SGK1: variants seen among roughly 807,000 people sequenced by gnomAD.
SGK1 encodes serine/threonine-protein kinase Sgk1.
A neutral mutation model predicts 64.2 loss-of-function variants in SGK1; 26 were observed. The ratio of observed to expected loss-of-function variants is 0.40; its 90% CI spans 0.30 to 0.56. The LOEUF is 0.56. Among genes scored for constraint, SGK1 ranks in the 20% least tolerant of loss-of-function variants. SGK1 has a pLI of 0.38. For missense variants in SGK1, 519 were observed against 645.6 expected (o/e 0.80, Z 2.12); for synonymous variants, 265 against 239.7 (o/e 1.11, Z -0.98).
intron 1 of SGK1, among the ~76,000 whole-genome samples, chr6:134,313,070 G>A (rs1477126985): frequency 6.6e-6 from 1 of 152,212 alleles, no homozygotes; most frequent in Non-Finnish European, 1.5e-5. Flanking sequence ...AACGCGCCCA[G>A]CCTGTGTATG....
intron 1 of SGK1, among the ~76,000 whole-genome samples, chr6:134,282,652 C>CA (rs112646041): frequency 0.11 from 15,788 of 143,186 alleles, 1,162 homozygotes; most frequent in African/African-American, 0.2. Flanking sequence ...GACTCCATCT[C>CA]AAAAAAAAAA....
At chr6:134,283,873 CAAAAAAAAAAAAAAAAAAAAA>C (rs35999916) in intron 1 of SGK1, among the ~76,000 whole-genome samples, 2 of 26,128 alleles carry the variant, frequency 7.7e-5, no homozygotes, top group Non-Finnish European at 1.4e-4. Flanking sequence ...CTGCCACCAC[CAAAAAAAAAAAAAAAAAAAAA>C]AAAAAAAAAA....
chr6:134,184,842 C>T (rs1023400939), intron 3 of SGK1, among the ~76,000 whole-genome samples: 6 of 152,084 alleles, frequency 3.9e-5, no homozygotes, highest in African/African-American at 1.4e-4. Context: ...TGCCACCATG[C>T]CTGGCTTATA....
rs965896608 is a variant in SGK1 at position 134,177,586 on chromosome 6, C to T, written c.362-3000G>A. 76 of 1,118,512 alleles carry T rather than the reference C, an allele frequency of 6.8e-5. No homozygotes were observed. In the Middle Eastern group the frequency reaches 9.7e-4, roughly 14 times the overall value. The allele number at this position is 1,118,512 out of a possible 1,614,324, so 69.3% of individuals were successfully genotyped here. ...ACCAGAGACCCTCTCCTACACCCCA[C>T]CTTATGTGCCTTCCCCATGCCAAGT... On this transcript the variant is annotated intron_variant, in intron 3 of 13. Coordinates refer to ENST00000367858, the MANE Select transcript of SGK1 (RefSeq NM_001143676.3).
chr6:134,282,659 A>AAAAT (rs1777112787), intron 1 of SGK1, among the ~76,000 whole-genome samples: 3 of 151,460 alleles, frequency 2.0e-5, no homozygotes, highest in Admixed American at 6.6e-5. Context: ...TCTCAAAAAA[A>AAAAT]AAAATAAAAT....
intron 1 of SGK1, among the ~76,000 whole-genome samples, chr6:134,282,078 G>A (rs1347361664): frequency 6.6e-6 from 1 of 152,110 alleles, no homozygotes; most frequent in African/African-American, 2.4e-5. Context: ...ATCAGTAGAA[G>A]CATTGAGGCC....
chr6:134,176,521 G>A (rs1775238024), intron 3 of SGK1, among the ~76,000 whole-genome samples: 1 of 152,186 alleles, frequency 6.6e-6, no homozygotes, highest in African/African-American at 2.4e-5. Context: ...AGTGCTGGCC[G>A]GGAAGCCGCG....
chr6:134,287,800 C>A (rs118026393), intron 1 of SGK1, among the ~76,000 whole-genome samples: 1 of 152,044 alleles, frequency 6.6e-6, no homozygotes, highest in South Asian at 2.1e-4. Flanking sequence ...TAATTTTGTA[C>A]TATGCAAGAG....
At chr6:134,295,587 C>T (rs1237909619) in intron 1 of SGK1, among the ~76,000 whole-genome samples, 1 of 152,062 alleles carries the variant, frequency 6.6e-6, no homozygotes, top group African/African-American at 2.4e-5. Context: ...GCCTGTAATC[C>T]CAGCTACTGG....
rs753328758 is a variant in SGK1 at position 134,282,545 on chromosome 6, C to T, written c.70-20397G>A. On this transcript the variant is annotated intron_variant, in intron 1 of 13. Coordinates refer to ENST00000367858, the MANE Select transcript of SGK1 (RefSeq NM_001143676.3). Reference sequence around the variant, plus strand: ...GCGCACACCTGTAATTCCAGCTACTCGGGAGTCTGAGGCAGGAGAATCACT... The same window carrying T: ...GCGCACACCTGTAATTCCAGCTACTTGGGAGTCTGAGGCAGGAGAATCACT... Among the ~76,000 whole-genome samples the T allele has an allele frequency of 2.8e-4, 43 of 151,348 alleles. 1 individual carries two copies. Among genetic ancestry groups the T allele is most frequent in the Non-Finnish European group, 3.7e-4 (25 of 67,934 alleles).
At chr6:134,197,854 A>T (rs9493853) in intron 3 of SGK1, among the ~76,000 whole-genome samples, 80,922 of 146,650 alleles carry the variant, frequency 0.55, 22,884 homozygotes, top group Non-Finnish European at 0.58. Flanking sequence ...AAAATAAAAT[A>T]AAATTAAATT....
At chr6:134,284,312 G>A (rs1472705956) in intron 1 of SGK1, among the ~76,000 whole-genome samples, 2 of 151,180 alleles carry the variant, frequency 1.3e-5, no homozygotes, top group East Asian at 2.0e-4. Context: ...GGGTGGTCTC[G>A]AACACCAGAC....
At chr6:134,256,803 A>T (rs1776691672) in intron 2 of SGK1, among the ~76,000 whole-genome samples, 1 of 152,274 alleles carries the variant, frequency 6.6e-6, no homozygotes, top group South Asian at 2.1e-4. Context: ...ACTCCTCGGG[A>T]TATCACAATA....
At position 134,275,615 on chromosome 6, in the gene SGK1, T is replaced by C. The variant is rs561676475; in HGVS notation, c.70-13467A>G. Among the ~76,000 whole-genome samples the C allele has an allele frequency of 5.9e-5, 9 of 152,356 alleles. No homozygotes were observed. The South Asian group carries it at 1.9e-3, about 32-fold the overall frequency. On this transcript the variant is annotated intron_variant, in intron 1 of 13. Transcript: ENST00000367858. ...AAATGCTGATTGCAATCTATTGAAC[T>C]GATTTCATGAACCACTAATGGGTGC...
chr6:134,226,519 T>C (rs1253566433), intron 2 of SGK1, among the ~76,000 whole-genome samples: 1 of 151,744 alleles, frequency 6.6e-6, no homozygotes, highest in Non-Finnish European at 1.5e-5. Flanking sequence ...GGTGAAACCT[T>C]GTCTCTACAA....
chr6:134,307,175 A>G (rs1777547338), intron 1 of SGK1, among the ~76,000 whole-genome samples: 1 of 152,242 alleles, frequency 6.6e-6, no homozygotes, highest in South Asian at 2.1e-4. Flanking sequence ...TTTGCACCAG[A>G]TGAATAATAA....
chr6:134,221,334 C>T (rs993416980), intron 2 of SGK1, among the ~76,000 whole-genome samples: 1 of 152,034 alleles, frequency 6.6e-6, no homozygotes, highest in Non-Finnish European at 1.5e-5. Context: ...TTTGCTTTAT[C>T]AATTGAATAA....
chr6:134,227,962 TTTTTTTTG>T (rs1776212401), intron 2 of SGK1, among the ~76,000 whole-genome samples: 1 of 140,218 alleles, frequency 7.1e-6, no homozygotes, highest in African/African-American at 2.7e-5. Context: ...TTTTTTTTTT[TTTTTTTTG>T]GAGACGGAGA....
At chr6:134,235,659 C>A (rs557549215) in intron 2 of SGK1, among the ~76,000 whole-genome samples, 3 of 151,864 alleles carry the variant, frequency 2.0e-5, no homozygotes, top group Non-Finnish European at 4.4e-5. Context: ...GCAACCTCCA[C>A]CTCCAGGGTT....
Sources: gnomAD v4.1 joint callset for allele counts (sites outside exome capture counted in the v4.1 genomes callset) on GRCh38, gnomAD v4.1.1 for gene constraint, MANE v1.5 for transcripts, NCBI Gene and HGNC (gene_info 2026-07-23, HGNC 2026-07-21) for gene names.